ARHGAP39: variants seen among roughly 807,000 people sequenced by gnomAD.
ARHGAP39 encodes Rho GTPase activating protein 39.
In ARHGAP39, 44 loss-of-function variants were observed where a neutral mutation model predicts 106.9. The ratio of observed to expected loss-of-function variants is 0.41; its 90% CI spans 0.32 to 0.53. The LOEUF (loss-of-function observed/expected upper bound fraction) is 0.53. Ranked by LOEUF, ARHGAP39 falls within the 20% of genes least tolerant of loss-of-function variation. The pLI is 0.21. For missense variants in ARHGAP39, 1,496 were observed against 1,577.3 expected (o/e 0.95, Z 0.87); for synonymous variants, 768 against 693.2 (o/e 1.11, Z -1.69).
In ARHGAP39 at chr8:144,647,375, C is replaced by A. The variant is rs1421175467; in HGVS notation, c.-82+38311G>T. Among the ~76,000 whole-genome samples, 1 of 152,172 alleles carries A rather than the reference C, an allele frequency of 6.6e-6. No individual in the cohort carries two copies. Among genetic ancestry groups the A allele is most frequent in the African/African-American group, 2.4e-5 (1 of 41,438 alleles). On this transcript the variant is annotated intron_variant, in intron 1 of 11. Transcript: ENST00000377307. The surrounding 1 kb of genome is among the most constrained non-coding windows in gnomAD (Gnocchi z 4.8). ...GCAGACTGCTGTGTCAAGGTGGCAT[C>A]CCTGTTCTCACCCTCACTGTGCAGA...
intron 3 of ARHGAP39, among the ~76,000 whole-genome samples, chr8:144,567,761 C>T (rs1267421149): frequency 6.6e-6 from 1 of 152,226 alleles, no homozygotes; most frequent in Non-Finnish European, 1.5e-5. Context: ...TCTCTCTCCT[C>T]TCTCTCTGCC....
chr8:144,618,082 TAAAA>T, intron 1 of ARHGAP39, among the ~76,000 whole-genome samples: 1 of 152,224 alleles, frequency 6.6e-6, no homozygotes, highest in African/African-American at 2.4e-5. Flanking sequence ...ACGCCTGGCC[TAAAA>T]TTCTATTTTC....
At chr8:144,539,570 C>G (rs1430850758) in intron 6 of ARHGAP39, among the ~76,000 whole-genome samples, 1 of 152,228 alleles carries the variant, frequency 6.6e-6, no homozygotes, top group East Asian at 1.9e-4. Context: ...GATCCATTTG[C>G]AGTTATTTTT....
chr8:144,699,759 C>T, the ARHGAP39 span, among the ~76,000 whole-genome samples: 725 of 152,050 alleles, frequency 4.8e-3, 2 homozygotes, highest in African/African-American at 0.017. Flanking sequence ...GGTAGGAAAG[C>T]GGGCTTCTCA....
upstream of ARHGAP39, among the ~76,000 whole-genome samples, chr8:144,687,356 GCGAGCA>G (rs1432445165): frequency 1.8e-4 from 3 of 16,346 alleles, 1 homozygote; most frequent in African/African-American, 2.7e-4. Flanking sequence ...CGCACTGGCG[GCGAGCA>G]TTTCCCACCC....
chr8:144,661,953 C>G (rs1030636109), intron 1 of ARHGAP39, among the ~76,000 whole-genome samples: 4 of 151,028 alleles, frequency 2.6e-5, no homozygotes, highest in African/African-American at 9.8e-5. Flanking sequence ...TCCTCTTCCC[C>G]GTTATCCACT....
At chr8:144,687,678 G>A (rs71515633), upstream of ARHGAP39, among the ~76,000 whole-genome samples, 1 of 97,626 alleles carries the variant, frequency 1.0e-5, no homozygotes, top group South Asian at 3.4e-4. Flanking sequence ...CTAGCAGTGA[G>A]CACTTCCCAC....
intron 1 of ARHGAP39, among the ~76,000 whole-genome samples, chr8:144,650,782 A>T (rs112951720): frequency 2.0e-5 from 3 of 152,288 alleles, no homozygotes; most frequent in African/African-American, 7.2e-5. Context: ...TCTGTGACAA[A>T]CCCACAGCTA....
At chr8:144,543,030 T>C (rs1586883144) in intron 6 of ARHGAP39, among the ~76,000 whole-genome samples, 2 of 151,298 alleles carry the variant, frequency 1.3e-5, no homozygotes, top group African/African-American at 4.9e-5. Context: ...AGTGCAGTGG[T>C]ACGATCATGA....
At chr8:144,559,314 C>T (rs768713263) in intron 3 of ARHGAP39, among the ~76,000 whole-genome samples, 8 of 127,476 alleles carry the variant, frequency 6.3e-5, no homozygotes, top group East Asian at 2.3e-4. Flanking sequence ...TGCAGTGAGC[C>T]GAGATCGTGC....
intron 3 of ARHGAP39, among the ~76,000 whole-genome samples, chr8:144,561,268 G>C (rs963887115): frequency 2.2e-5 from 3 of 133,986 alleles, no homozygotes; most frequent in Non-Finnish European, 4.4e-5. Context: ...TCAGACCCCA[G>C]TGGTTTCCAT....
At chr8:144,580,759 C>A in intron 3 of ARHGAP39, 87 bp downstream of exon 3, 1 of 142,554 alleles carries the variant, frequency 7.0e-6, no homozygotes. Context: ...TCTCACCTGG[C>A]CCCGCCCACC....
At chr8:144,681,498 A>G (rs902590055) in intron 1 of ARHGAP39, among the ~76,000 whole-genome samples, 4 of 152,234 alleles carry the variant, frequency 2.6e-5, no homozygotes, top group Non-Finnish European at 4.4e-5. Flanking sequence ...GGCACAGCAG[A>G]GGGGCTTTGC....
intron 3 of ARHGAP39, among the ~76,000 whole-genome samples, chr8:144,573,414 C>T (rs1331916362): frequency 4.3e-5 from 6 of 139,050 alleles, no homozygotes; most frequent in Non-Finnish European, 9.1e-5. Context: ...AATGAGAACA[C>T]TTGGACACAG....
rs1015225630 is a variant in ARHGAP39, at chr8:144,604,369, ACTCT to A, written c.80+1162_80+1165del. On this transcript the variant is annotated intron_variant, in intron 2 of 11. Transcript: ENST00000377307. This position sits in a 1 kb window ranked among gnomAD's most constrained non-coding sequence, Gnocchi z 4.1. ...CTGTCAGACAAACCCAAACCAAGGA[ACTCT>A]CTATTTTACTTTATTTACTGTGACA... Among the ~76,000 whole-genome samples, 3 of 151,808 alleles carry A rather than the reference ACTCT, an allele frequency of 2.0e-5. No individual in the cohort carries two copies. The highest frequency in any genetic ancestry group is 4.8e-5 in the African/African-American group (2 of 41,304).
At chr8:144,618,959 C>T (rs536395057) in intron 1 of ARHGAP39, among the ~76,000 whole-genome samples, 13 of 152,356 alleles carry the variant, frequency 8.5e-5, no homozygotes, top group Non-Finnish European at 1.5e-4. Context: ...TCCTCATCCT[C>T]GTCCTGCAGA....
intron 1 of ARHGAP39, among the ~76,000 whole-genome samples, chr8:144,660,570 G>A (rs771572601): frequency 6.6e-6 from 1 of 152,174 alleles, no homozygotes; most frequent in Non-Finnish European, 1.5e-5. Flanking sequence ...TCCGTGCTCA[G>A]CAGCCACACA....
intron 3 of ARHGAP39, among the ~76,000 whole-genome samples, chr8:144,556,283 TA>T (rs773901158): frequency 0.17 from 14,983 of 87,274 alleles, 859 homozygotes; most frequent in African/African-American, 0.21. Flanking sequence ...AGACTCCATC[TA>T]AAAAAAAAAA....
In ARHGAP39 at chr8:144,581,006, C is replaced by T. The variant is rs1818964827; in HGVS notation, c.352G>A (p.Ala118Thr). The T allele has an allele frequency of 1.9e-6, 3 of 1,591,314 alleles. No homozygotes were observed. The highest frequency in any genetic ancestry group is 2.3e-5 in the South Asian group (2 of 88,500). Residue 118 changes from alanine (A) to threonine (T), a missense_variant, in exon 3 of 12, where the codon GCC (alanine) becomes ACC (threonine). Around this residue, in one of 4 missense-constraint regions of ARHGAP39, gnomAD observed 905 missense variants for 816.4 expected, o/e 1.11. Transcript: ENST00000377307. ...CGCCCGGGGCTGCTCTCCGCCGAGG[C>T]GCGCGGGGACTCCGTGTTCTGCTTC... The part of the protein sequence containing the change: ...TLKQNTESPR[A>T]SAESSPGRGS...
Sources: gnomAD v4.1 joint callset for allele counts (sites outside exome capture counted in the v4.1 genomes callset) on GRCh38, gnomAD v4.1.1 for gene constraint, gnomAD v4.1.1 regional missense constraint, Gnocchi (gnomAD v3.1) non-coding constraint, MANE v1.5 for transcripts, NCBI Gene and HGNC (gene_info 2026-07-23, HGNC 2026-07-21) for gene names.